WDR1: variants seen among roughly 807,000 people sequenced by gnomAD.
The protein encoded by WDR1 is WD repeat-containing protein 1.
A neutral mutation model predicts 71.9 loss-of-function variants in WDR1; 21 were observed. The ratio of observed to expected loss-of-function variants is 0.29; its 90% CI spans 0.21 to 0.42. The LOEUF (loss-of-function observed/expected upper bound fraction) is 0.42, where lower values mean the gene tolerates loss of function less well. WDR1 is among the 10% of genes least tolerant of loss of function. The probability of loss-of-function intolerance (pLI) is 1.00; values close to 1 mark genes in which losing one functional copy is unlikely to be tolerated. For synonymous variants in WDR1, 424 were observed against 347.4 expected (o/e 1.22, Z -2.45); for missense variants, 696 against 824.5 (o/e 0.84, Z 1.91).
intron 5 of WDR1, chr4:10,094,902 C>T (rs919471184): frequency 1.5e-4 from 23 of 152,296 alleles, no homozygotes; most frequent in African/African-American, 5.3e-4. Context: ...GAAACGCCTT[C>T]AGAACATGCC....
At chr4:10,103,810 C>T in intron 3 of WDR1, 86 bp downstream of exon 3, 1 of 1,082,694 alleles carries the variant, frequency 9.2e-7, no homozygotes, top group Non-Finnish European at 1.3e-6. Flanking sequence ...CCCACTCTCC[C>T]AAGGCCAGAA....
chr4:10,077,051 G>T, intron 14 of WDR1: 2 of 482,134 alleles, frequency 4.1e-6, no homozygotes, highest in South Asian at 6.4e-5. Flanking sequence ...GGGAAGTGAA[G>T]ATGTCAAAAG....
chr4:10,088,471 C>A, intron 6 of WDR1, 98 bp from the exon 7 acceptor site: 1 of 1,285,254 alleles, frequency 7.8e-7, no homozygotes, highest in East Asian at 2.5e-5. Flanking sequence ...CCGGGGCTCA[C>A]AGACTAAGCT....
intron 2 of WDR1, among the ~76,000 whole-genome samples, chr4:10,107,625 C>T (rs1182980607): frequency 6.6e-6 from 1 of 152,208 alleles, no homozygotes; most frequent in Non-Finnish European, 1.5e-5. Flanking sequence ...TGGCCCCAGA[C>T]CCCTTCCCCA....
At chr4:10,078,657 A>C in intron 12 of WDR1, 1 of 465,444 alleles carries the variant, frequency 2.1e-6, no homozygotes, top group Non-Finnish European at 3.8e-6. Context: ...TCTTGTGGGC[A>C]CCCGGGCAGT....
chr4:10,087,321 T>G (rs1711647634), intron 8 of WDR1, among the ~76,000 whole-genome samples: 1 of 152,276 alleles, frequency 6.6e-6, no homozygotes, highest in Non-Finnish European at 1.5e-5. Context: ...CCTGCCCTGG[T>G]GCTCAGTGAG....
chr4:10,079,084 G>A (rs1257512481), intron 11 of WDR1, 83 bp from the exon 12 acceptor site: 29 of 1,139,050 alleles, frequency 2.5e-5, no homozygotes, highest in South Asian at 3.1e-5. Context: ...CGTCCCTGTC[G>A]GGGCTCACTG....
chr4:10,084,230 T>C (rs900180323), intron 9 of WDR1, among the ~76,000 whole-genome samples: 2 of 152,116 alleles, frequency 1.3e-5, no homozygotes, highest in African/African-American at 4.8e-5. Context: ...TTCCTCAGCA[T>C]AAGCCCTGGA....
chr4:10,078,081 G>A (rs1276101655), intron 12 of WDR1, among the ~76,000 whole-genome samples, 155 bp from the exon 13 acceptor site: 4 of 152,316 alleles, frequency 2.6e-5, no homozygotes, highest in Admixed American at 6.5e-5. Context: ...GGCTCTTCCC[G>A]TGGATGGGCC....
chr4:10,076,877 G>A (rs1284918098), intron 14 of WDR1: 2 of 169,904 alleles, frequency 1.2e-5, no homozygotes, highest in East Asian at 1.7e-4. Flanking sequence ...GATGACATGC[G>A]GGGCTAAATA....
Position 10,116,741 on chromosome 4 carries a change from C to G in WDR1, c.-75G>C, listed in dbSNP as rs1378906469. ...GCCCGCGCTGCGAATTACACCTCGCCGAGGCCGAGCCCGGGGACTGGAGCC... is the reference window on the plus strand; with the variant it reads ...GCCCGCGCTGCGAATTACACCTCGCGGAGGCCGAGCCCGGGGACTGGAGCC... On this transcript the variant is annotated 5_prime_UTR_variant, in exon 1 of 15. Coordinates refer to ENST00000499869, the MANE Select transcript of WDR1 (RefSeq NM_017491.5). 7.9e-6 allele frequency: 10 copies of G among 1,273,318 alleles called. No individual in the cohort carries two copies. The highest frequency in any genetic ancestry group is 3.1e-5 in the African/African-American group (2 of 64,142). 78.9% of individuals were successfully genotyped at this position (1,273,318 alleles called of 1,614,324 possible).
chr4:10,103,395 T>C (rs190366454), intron 3 of WDR1, among the ~76,000 whole-genome samples: 21 of 152,204 alleles, frequency 1.4e-4, no homozygotes, highest in Non-Finnish European at 2.6e-4. Context: ...CATGGTGGCA[T>C]TTCTGCTGAC....
intron 2 of WDR1, among the ~76,000 whole-genome samples, chr4:10,111,333 T>C (rs1713349297): frequency 6.6e-6 from 1 of 152,138 alleles, no homozygotes; most frequent in Non-Finnish European, 1.5e-5. Context: ...TGTGGTCCCA[T>C]CTGCAGAAGC....
intron 5 of WDR1, chr4:10,092,208 T>A (rs571301820): frequency 3.3e-5 from 5 of 152,174 alleles, no homozygotes; most frequent in African/African-American, 9.6e-5. Flanking sequence ...ACGAATGAGT[T>A]AAGAACTAAG....
Position 10,116,196 on chromosome 4 carries a change from C to G in WDR1, c.55G>C (p.Val19Leu). 1 of 1,613,734 alleles carries G rather than the reference C, an allele frequency of 6.2e-7. No individual in the cohort carries two copies. The highest frequency in any genetic ancestry group is 8.5e-7 in the Non-Finnish European group (1 of 1,179,816). ...FASLPQVERG[V>L]SKIIGGDPKG... ...GGGTCGCCGCCGATGATCTTGGAGA[C>G]GCCCCTCTCCACCTGCGGGAGGCTG... is the stretch of plus-strand genomic sequence containing the variant. Residue 19 changes from valine to leucine, a missense_variant, in exon 2 of 15, where the codon GTC becomes CTC. Transcript: ENST00000499869.
In WDR1 at chr4:10,083,042, G is replaced by T. The variant is rs1175440849; in HGVS notation, c.1176C>A (p.Ser392Arg). 1.2e-6 allele frequency: 2 copies of T among 1,613,260 alleles called. No individual in the cohort carries two copies. The highest frequency in any genetic ancestry group is 1.7e-6 in the Non-Finnish European group (2 of 1,179,600). Residue 392 changes from serine to arginine, a missense_variant, in exon 10 of 15, where the codon AGC (serine) becomes AGA (arginine). Ser to Arg is a moderately radical substitution (Grantham distance 110, BLOSUM62 -1). Coordinates refer to ENST00000499869, the MANE Select transcript of WDR1 (RefSeq NM_017491.5). ...CTCACCTGTAGTCCCGCAGCATGAG[G>T]CTGGTGTACCGCACGGTGTCGTCCA... is the stretch of plus-strand genomic sequence containing the variant. ...CSMDDTVRYTSLMLRDYSGQG... is the reference protein window; with the variant it reads ...CSMDDTVRYTRLMLRDYSGQG...
intron 8 of WDR1, among the ~76,000 whole-genome samples, chr4:10,087,020 C>CT (rs1231918657): frequency 6.6e-6 from 1 of 152,150 alleles, no homozygotes; most frequent in East Asian, 1.9e-4. Flanking sequence ...CAGGACCCCC[C>CT]CAGCCAATGG....
At chr4:10,116,446 G>T in intron 1 of WDR1, 1 of 768,700 alleles carries the variant, frequency 1.3e-6, no homozygotes, top group Non-Finnish European at 1.8e-6. Flanking sequence ...CTCCGGCTCG[G>T]CCCACGGCGC....
intron 5 of WDR1, chr4:10,092,414 A>T (rs1050214277): frequency 2.1e-4 from 32 of 152,696 alleles, no homozygotes; most frequent in African/African-American, 6.3e-4. Flanking sequence ...CAGGTCCCAG[A>T]AGCGAGGACA....
Sources: gnomAD v4.1 joint callset for allele counts (sites outside exome capture counted in the v4.1 genomes callset) on GRCh38, gnomAD v4.1.1 for gene constraint, MANE v1.5 for transcripts, NCBI Gene and HGNC (gene_info 2026-07-23, HGNC 2026-07-21) for gene names.